The following CNTN5 variants were observed in gnomAD, a reference collection of about 807,000 sequenced individuals.
CNTN5 encodes the protein contactin 5.
A neutral mutation model predicts 129.1 loss-of-function variants in CNTN5; 77 were observed. That is an observed-to-expected ratio of 0.60 (90% CI 0.50 to 0.72). The LOEUF (loss-of-function observed/expected upper bound fraction) is 0.72. CNTN5 is among the 30% of genes least tolerant of loss of function. CNTN5 has a pLI of 0.00. For missense variants in CNTN5, 1,478 were observed against 1,328.8 expected, an observed-to-expected ratio of 1.11 and a Z score of -1.75; for synonymous variants, 509 against 465.6, an observed-to-expected ratio of 1.09 and a Z score of -1.20.
chr11:100,084,567 C>T (rs72998830), intron 13 of CNTN5, among the ~76,000 whole-genome samples: 7,656 of 151,832 alleles, frequency 0.05, 357 homozygotes, highest in East Asian at 0.19. Flanking sequence ...ACCTTGACTA[C>T]AAATGGAAAG....
chr11:99,391,168 C>A (rs1941240167), intron 2 of CNTN5, among the ~76,000 whole-genome samples: 2 of 152,074 alleles, frequency 1.3e-5, no homozygotes, highest in African/African-American at 4.8e-5. Flanking sequence ...AGTCTCTTAT[C>A]TAAAACCTGT....
At chr11:99,501,781 C>A (rs1946436460) in intron 2 of CNTN5, among the ~76,000 whole-genome samples, 1 of 152,204 alleles carries the variant, frequency 6.6e-6, no homozygotes, top group Non-Finnish European at 1.5e-5. Flanking sequence ...AATTTTCTCT[C>A]TGACTGTTTG....
intron 15 of CNTN5, among the ~76,000 whole-genome samples, chr11:100,217,900 T>C (rs1392695259): frequency 6.6e-6 from 1 of 152,208 alleles, no homozygotes; most frequent in Non-Finnish European, 1.5e-5. Flanking sequence ...CCTAGAATTC[T>C]CTTAAACTGG....
At chr11:99,743,138 T>C (rs1943938010) in intron 3 of CNTN5, among the ~76,000 whole-genome samples, 1 of 152,192 alleles carries the variant, frequency 6.6e-6, no homozygotes, top group South Asian at 2.1e-4. Context: ...AGGAGAGAGA[T>C]ATATCATGTT....
intron 2 of CNTN5, among the ~76,000 whole-genome samples, chr11:99,520,510 A>G (rs1173173803): frequency 6.6e-6 from 1 of 152,114 alleles, no homozygotes; most frequent in Non-Finnish European, 1.5e-5. Context: ...ATTCTCTGGA[A>G]AAGAATTAAG....
intron 13 of CNTN5, among the ~76,000 whole-genome samples, chr11:100,186,138 T>G (rs1948295681): frequency 6.6e-6 from 1 of 152,104 alleles, no homozygotes; most frequent in Non-Finnish European, 1.5e-5. Context: ...GACAGGTACA[T>G]TCTTTGAGTC....
At chr11:99,794,387 C>G (rs1400728810) in intron 3 of CNTN5, among the ~76,000 whole-genome samples, 2 of 152,076 alleles carry the variant, frequency 1.3e-5, no homozygotes, top group Non-Finnish European at 2.9e-5. Context: ...ACTTTCCATT[C>G]TGTGCCTTTT....
At chr11:99,096,773 C>T (rs548489942) in intron 1 of CNTN5, among the ~76,000 whole-genome samples, 3 of 151,634 alleles carry the variant, frequency 2.0e-5, no homozygotes, top group East Asian at 1.9e-4. Flanking sequence ...CTACTAAATA[C>T]GTATGAAGGG....
At position 100,191,156 on chromosome 11, in the gene CNTN5, G is replaced by A. The variant is rs2138503527; in HGVS notation, c.1611G>A (p.Arg537=). Residue 537 remains arginine, a synonymous_variant, in exon 14 of 25, where the codon CGG becomes CGA. Coordinates refer to ENST00000524871, the MANE Select transcript of CNTN5 (RefSeq NM_014361.4). The part of the protein sequence containing the change: ...RIAILPDGSL[R]ILNASKSDEG... ...CTATTCTTCCAGACGGGAGTCTACG[G>A]ATCCTAAATGCTTCCAAATCAGACG... 5 of 1,609,874 alleles carry A rather than the reference G, an allele frequency of 3.1e-6. No individual in the cohort carries two copies. In the South Asian group the frequency reaches 4.4e-5, roughly 14 times the overall value.
intron 1 of CNTN5, among the ~76,000 whole-genome samples, chr11:99,244,818 T>C (rs1591410304): frequency 6.6e-6 from 1 of 152,312 alleles, no homozygotes; most frequent in East Asian, 1.9e-4. Flanking sequence ...TCAATAGGTC[T>C]TGGAGGAATT....
At chr11:99,401,954 C>G (rs1008522332) in intron 2 of CNTN5, among the ~76,000 whole-genome samples, 1 of 151,996 alleles carries the variant, frequency 6.6e-6, no homozygotes, top group Admixed American at 6.6e-5. Context: ...TTTATGAGTT[C>G]TAATAGATTT....
intron 2 of CNTN5, among the ~76,000 whole-genome samples, chr11:99,383,036 T>A (rs1400196173): frequency 6.6e-6 from 1 of 151,622 alleles, no homozygotes; most frequent in African/African-American, 2.4e-5. Flanking sequence ...TTTGTATTTT[T>A]AGTAGAGACA....
chr11:99,226,878 T>C (rs1860715265), intron 1 of CNTN5, among the ~76,000 whole-genome samples: 1 of 152,206 alleles, frequency 6.6e-6, no homozygotes, highest in South Asian at 2.1e-4. Context: ...GTGATATTAT[T>C]AGGTGAGCTA....
In CNTN5 at chr11:100,329,110, T is replaced by G. The variant is rs775739014; in HGVS notation, c.2731-11353T>G. 2.0e-5 allele frequency among the ~76,000 whole-genome samples: 3 copies of G among 152,174 alleles called. No homozygotes were observed. The South Asian group carries it at 6.2e-4, about 31-fold the overall frequency. ...GCGTGGTGGGAGTGAGACCAGCCTT[T>G]AGGACTGCAGGCTGTGTAAGAGCAG... On this transcript the variant is annotated intron_variant, in intron 21 of 24. Coordinates refer to ENST00000524871, the MANE Select transcript of CNTN5 (RefSeq NM_014361.4).
At chr11:99,972,685 C>G (rs2137312678) in intron 8 of CNTN5, among the ~76,000 whole-genome samples, 1 of 152,216 alleles carries the variant, frequency 6.6e-6, no homozygotes, top group Middle Eastern at 3.4e-3. Context: ...CTACTCTTTC[C>G]CTGGGAGGCC....
intron 3 of CNTN5, among the ~76,000 whole-genome samples, chr11:99,641,270 TACTG>T (rs1951760009): frequency 6.6e-6 from 1 of 152,254 alleles, no homozygotes; most frequent in Admixed American, 6.5e-5. Flanking sequence ...TCAGAAGAAA[TACTG>T]AGTGGAACAA....
chr11:99,303,221 A>C (rs1209716342), intron 1 of CNTN5, among the ~76,000 whole-genome samples: 1 of 151,870 alleles, frequency 6.6e-6, no homozygotes, highest in Non-Finnish European at 1.5e-5. Flanking sequence ...GAAGACAGTT[A>C]ATTTCTAAAT....
intron 4 of CNTN5, among the ~76,000 whole-genome samples, chr11:99,832,016 C>T (rs991990305): frequency 2.6e-5 from 4 of 152,100 alleles, no homozygotes; most frequent in African/African-American, 9.7e-5. Flanking sequence ...TCCTTGTCTC[C>T]TTTGCAAAAC....
intron 3 of CNTN5, among the ~76,000 whole-genome samples, chr11:99,789,574 C>T (rs1945664830): frequency 6.6e-6 from 1 of 151,978 alleles, no homozygotes; most frequent in African/African-American, 2.4e-5. Flanking sequence ...TTGCTTCCAT[C>T]AGCTGTATAG....
Sources: gnomAD v4.1 joint callset for allele counts (sites outside exome capture counted in the v4.1 genomes callset) on GRCh38, gnomAD v4.1.1 for gene constraint, MANE v1.5 for transcripts, NCBI Gene and HGNC (gene_info 2026-07-23, HGNC 2026-07-21) for gene names.